ARHGAP12: variants seen among roughly 807,000 people sequenced by gnomAD.
ARHGAP12 encodes the protein rho GTPase-activating protein 12.
In ARHGAP12, 64 loss-of-function variants were observed where a neutral mutation model predicts 108.6. That is an observed-to-expected ratio of 0.59 (90% CI 0.48 to 0.73). ARHGAP12 has a LOEUF of 0.73. Ranked by LOEUF, ARHGAP12 falls within the 30% of genes least tolerant of loss-of-function variation. The pLI is 0.00. For missense variants in ARHGAP12, 940 were observed against 1,005.9 expected (o/e 0.93, Z 0.89); for synonymous variants, 312 against 337.2 (o/e 0.93, Z 0.82).
chr10:31,852,590 T>G lies in ARHGAP12; in HGVS notation c.1097A>C (p.Lys366Thr). 6.2e-7 allele frequency: 1 copy of G among 1,611,958 alleles called. No homozygotes were observed. Among genetic ancestry groups the G allele is most frequent in the South Asian group, 1.1e-5 (1 of 91,010 alleles). ...TTGTCTACCTTGATCATCAACATGCTTGAGCCACTATAAAAACAGAACAGG... is the reference window on the plus strand; with the variant it reads ...TTGTCTACCTTGATCATCAACATGCGTGAGCCACTATAAAAACAGAACAGG... Reference protein sequence around the residue: ...TSDYTNEKWLKHVDDQGRQYY... With the variant: ...TSDYTNEKWLTHVDDQGRQYY... Residue 366 changes from lysine to threonine, a missense_variant, in exon 6 of 20, where the codon AAG becomes ACG. Lys to Thr is a moderately conservative substitution (Grantham distance 78). Transcript: ENST00000344936.
intron 3 of ARHGAP12, among the ~76,000 whole-genome samples, chr10:31,879,428 T>C (rs1305335885): frequency 1.3e-5 from 2 of 152,184 alleles, no homozygotes; most frequent in Non-Finnish European, 2.9e-5. Context: ...ATTTCTCTTG[T>C]TTAACTATGG....
At chr10:31,835,346 AT>A (rs1371705038) in intron 9 of ARHGAP12, among the ~76,000 whole-genome samples, 2 of 152,212 alleles carry the variant, frequency 1.3e-5, no homozygotes, top group Non-Finnish European at 2.9e-5. Flanking sequence ...CTTAAGTCCC[AT>A]AAAATATATA....
rs1302565667 is a variant in ARHGAP12 at position 31,807,622 on chromosome 10, T to A, written c.*36A>T. On this transcript the variant is annotated 3_prime_UTR_variant, in exon 20 of 20. Transcript: ENST00000344936. ...TATAAACATTTGAAATCTGATGGAA[T>A]CCAGCTTCTATTCCACAGGTTGTCT... 4 of 1,560,186 alleles carry A rather than the reference T, an allele frequency of 2.6e-6. No homozygotes were observed. In the South Asian group the frequency reaches 4.9e-5, roughly 19 times the overall value.
At chr10:31,861,351 G>C (rs1020910020) in intron 4 of ARHGAP12, 44 bp downstream of exon 4, 6 of 1,549,036 alleles carry the variant, frequency 3.9e-6, no homozygotes, top group Admixed American at 2.1e-5. Context: ...ATAATGAAAA[G>C]AGAAAATCTG....
intron 3 of ARHGAP12, among the ~76,000 whole-genome samples, chr10:31,873,474 C>G (rs1485452849): frequency 6.6e-6 from 1 of 152,202 alleles, no homozygotes; most frequent in Non-Finnish European, 1.5e-5. Flanking sequence ...TTCAGTCTCA[C>G]TAGCCACATT....
intron 3 of ARHGAP12, among the ~76,000 whole-genome samples, chr10:31,902,341 A>G (rs2132436919): frequency 6.6e-6 from 1 of 152,138 alleles, no homozygotes; most frequent in Middle Eastern, 3.4e-3. Context: ...AAAAAAAAAA[A>G]AAAGAATCTT....
chr10:31,821,812 C>A (rs1835426963), intron 11 of ARHGAP12, among the ~76,000 whole-genome samples: 1 of 152,166 alleles, frequency 6.6e-6, no homozygotes, highest in Non-Finnish European at 1.5e-5. Flanking sequence ...TAACTGTATT[C>A]TACAAAGTCT....
chr10:31,880,473 C>CAA (rs201422943), intron 3 of ARHGAP12, among the ~76,000 whole-genome samples: 8 of 146,400 alleles, frequency 5.5e-5, no homozygotes, highest in African/African-American at 1.2e-4. Context: ...ACAACAATAA[C>CAA]AAAAAAAAAC....
chr10:31,812,162 G>A (rs925916797), intron 15 of ARHGAP12, among the ~76,000 whole-genome samples: 10 of 151,760 alleles, frequency 6.6e-5, no homozygotes, highest in South Asian at 2.1e-4. Context: ...AAACACGCTC[G>A]TAAGAACTAC....
In ARHGAP12 at chr10:31,817,842, A is replaced by T. The variant is rs1360133371; in HGVS notation, c.1677T>A (p.Asn559Lys). 9.3e-6 allele frequency: 15 copies of T among 1,612,528 alleles called. No individual in the cohort carries two copies. Among genetic ancestry groups the T allele is most frequent in the Non-Finnish European group, 1.3e-5 (15 of 1,179,482 alleles). ...QGTELLIQSD[N>K]DTVINDWFKV... ...TAAACCAATCATTAATAACAGTGTC[A>T]TTGTCAGACTGAATTAGCAGTTCTG... Residue 559 changes from asparagine to lysine, a missense_variant, in exon 13 of 20, where the codon AAT becomes AAA. By Grantham distance (94) the Asn-to-Lys change is moderately conservative. Coordinates refer to ENST00000344936, the MANE Select transcript of ARHGAP12 (RefSeq NM_018287.7).
At chr10:31,892,263 T>A (rs2132404819) in intron 3 of ARHGAP12, among the ~76,000 whole-genome samples, 1 of 152,178 alleles carries the variant, frequency 6.6e-6, no homozygotes. Flanking sequence ...CATAACAATA[T>A]TAACCTTAAA....
At chr10:31,839,008 C>T (rs929793668) in intron 9 of ARHGAP12, among the ~76,000 whole-genome samples, 3 of 151,804 alleles carry the variant, frequency 2.0e-5, no homozygotes, top group Non-Finnish European at 4.4e-5. Flanking sequence ...AGAGCGCAAC[C>T]ATGTCTCTAT....
At chr10:31,817,953 C>A in intron 12 of ARHGAP12, 67 bp from the exon 13 acceptor site, 1 of 1,143,030 alleles carries the variant, frequency 8.7e-7, no homozygotes, top group African/African-American at 1.6e-5. Flanking sequence ...TACATGAATA[C>A]CTTTAATTCA....
At chr10:31,918,619 A>T (rs1839663949) in intron 1 of ARHGAP12, among the ~76,000 whole-genome samples, 1 of 152,194 alleles carries the variant, frequency 6.6e-6, no homozygotes, top group South Asian at 2.1e-4. Context: ...AAGTGAAAGA[A>T]TCGCTCAAGC....
chr10:31,920,175 G>A lies in ARHGAP12; in HGVS notation c.-111+8508C>T, dbSNP rs112351040. ...ACTCTTAGAAAACTGAAAATTAGCC[G>A]GGCGCAGTGGCTCACACCTGTAATC... is the stretch of plus-strand genomic sequence containing the variant. On this transcript the variant is annotated intron_variant, in intron 1 of 19. Coordinates refer to ENST00000344936, the MANE Select transcript of ARHGAP12 (RefSeq NM_018287.7). Among the ~76,000 whole-genome samples the A allele has an allele frequency of 7.6e-3, 1,140 of 150,224 alleles. 11 individuals carry two copies. Among genetic ancestry groups the A allele is most frequent in the African/African-American group, 0.027 (1,084 of 40,844 alleles).
At chr10:31,903,399 C>T (rs949670642) in intron 3 of ARHGAP12, among the ~76,000 whole-genome samples, 2 of 152,140 alleles carry the variant, frequency 1.3e-5, no homozygotes, top group Non-Finnish European at 2.9e-5. Flanking sequence ...TGTCATTATG[C>T]GGTGCATGAC....
chr10:31,891,866 A>G (rs1838454116), intron 3 of ARHGAP12, among the ~76,000 whole-genome samples: 1 of 152,060 alleles, frequency 6.6e-6, no homozygotes, highest in South Asian at 2.1e-4. Flanking sequence ...CTTCCAGCTG[A>G]TCGAATTGGA....
chr10:31,906,649 T>C (rs1839144110), intron 3 of ARHGAP12, among the ~76,000 whole-genome samples: 1 of 151,868 alleles, frequency 6.6e-6, no homozygotes, highest in Non-Finnish European at 1.5e-5. Context: ...CCATGGAGAG[T>C]TAGGAAGAGG....
chr10:31,867,901 T>C (rs554896061), intron 3 of ARHGAP12, among the ~76,000 whole-genome samples: 1 of 146,308 alleles, frequency 6.8e-6, no homozygotes, highest in South Asian at 2.2e-4. Flanking sequence ...ATTTCTGATT[T>C]AAAAAAAAAA....
Sources: allele counts gnomAD v4.1 joint callset (sites outside exome capture counted in the v4.1 genomes callset), GRCh38; gene constraint gnomAD v4.1.1; transcripts MANE v1.5; gene names NCBI Gene and HGNC (gene_info 2026-07-23, HGNC 2026-07-21).